Variants in DHRS2 observed in about 807,000 individuals in gnomAD.
DHRS2 encodes the protein dehydrogenase/reductase 2.
In DHRS2, 29 loss-of-function variants were observed where a neutral mutation model predicts 26.3. The ratio of observed to expected loss-of-function variants is 1.10; its 90% CI spans 0.82 to 1.50. DHRS2 has a LOEUF of 1.50. Ranked by LOEUF, DHRS2 falls within the 40% of genes most tolerant of loss-of-function variation. The pLI is 0.00. For missense variants in DHRS2, 439 were observed against 367.1 expected (o/e 1.20, Z -1.60); for synonymous variants, 164 against 151.3 (o/e 1.08, Z -0.62).
At chr14:23,642,141 G>A in intron 4 of DHRS2, 1 of 1,032,086 alleles carries the variant, frequency 9.7e-7, no homozygotes, top group Non-Finnish European at 1.2e-6. Context: ...CTCCCAGCAT[G>A]GCAATTCTCT....
In DHRS2 at chr14:23,638,946, A is replaced by C; in HGVS notation, c.82A>C (p.Ile28Leu). Reference sequence around the variant, plus strand: ...TTCTGTGAGGATGAGCAGCACCGGGATAGACAGGAAGGGCGTCCTGGCTAA... The same window carrying C: ...TTCTGTGAGGATGAGCAGCACCGGGCTAGACAGGAAGGGCGTCCTGGCTAA... ...RLSVRMSSTG[I>L]DRKGVLANRV... The change falls in exon 2 of 9, where the codon ATA (isoleucine) becomes CTA (leucine). Residue 28 changes from isoleucine to leucine, a missense_variant. Ile to Leu is a conservative substitution (Grantham distance 5, BLOSUM62 2). Transcript: ENST00000250383. 6.2e-7 allele frequency: 1 copy of C among 1,614,148 alleles called. No homozygotes were observed. Among genetic ancestry groups the C allele is most frequent in the Non-Finnish European group, 8.5e-7 (1 of 1,180,042 alleles).
Position 23,640,238 on chromosome 14 carries a change from AG to A in DHRS2, c.420+344del, listed in dbSNP as rs1249300479. The A allele has an allele frequency of 2.0e-5, 20 of 999,962 alleles. No homozygotes were observed. In the African/African-American group the frequency reaches 3.5e-4, roughly 17 times the overall value. 61.9% of individuals were successfully genotyped at this position (999,962 alleles called of 1,614,324 possible). The stretch of plus-strand genomic sequence containing the variant: ...AATGGTTAGTCAGAGTCTCTCTGTA[AG>A]AGTCAAACATTTTTGTATGGTACAC... On this transcript the variant is annotated intron_variant, in intron 4 of 8. Coordinates refer to ENST00000250383, the MANE Select transcript of DHRS2 (RefSeq NM_005794.4).
chr14:23,645,303 G>T lies in DHRS2; in HGVS notation c.*50G>T. 1 of 1,612,666 alleles carries T rather than the reference G, an allele frequency of 6.2e-7. No individual in the cohort carries two copies. Reference sequence around the variant, plus strand: ...TGTGGTCCCAGGCCCAGGAGCCTGAGGGGGTGTCTAGGTGATCATTTGGAT... The same window carrying T: ...TGTGGTCCCAGGCCCAGGAGCCTGATGGGGTGTCTAGGTGATCATTTGGAT... On this transcript the variant is annotated 3_prime_UTR_variant, in exon 9 of 9. Transcript: ENST00000250383.
chr14:23,630,600 A>G (rs1890093281), intron 1 of DHRS2, among the ~76,000 whole-genome samples: 1 of 152,214 alleles, frequency 6.6e-6, no homozygotes, highest in African/African-American at 2.4e-5. Flanking sequence ...AAATATTTGA[A>G]GAGATTTATT....
At chr14:23,633,188 C>T (rs911033347), upstream of DHRS2, among the ~76,000 whole-genome samples, 1 of 152,208 alleles carries the variant, frequency 6.6e-6, no homozygotes, top group African/African-American at 2.4e-5. Context: ...CTCTCCCTGC[C>T]TTCACATCTG....
At position 23,639,764 on chromosome 14, in the gene DHRS2, C is replaced by G. The variant is rs768501206; in HGVS notation, c.319-30C>G. 3.8e-6 allele frequency: 6 copies of G among 1,583,478 alleles called. No homozygotes were observed. The Admixed American group carries it at 1.1e-4, about 28-fold the overall frequency. On this transcript the variant is annotated intron_variant, in intron 3 of 8. Coordinates refer to ENST00000250383, the MANE Select transcript of DHRS2 (RefSeq NM_005794.4). ...GGAGGGATAGTCCTCCTCAGGCCAT[C>G]TCCACACTCATCCAATCTCCTCTCC...
intron 4 of DHRS2, 74 bp downstream of exon 4, chr14:23,639,969 C>T: frequency 4.7e-6 from 6 of 1,264,748 alleles, no homozygotes; most frequent in Non-Finnish European, 6.3e-6. Context: ...ATGCCTGTGC[C>T]CACCAAGACT....
chr14:23,639,730 G>A, intron 3 of DHRS2, 64 bp from the exon 4 acceptor site: 1 of 1,492,230 alleles, frequency 6.7e-7, no homozygotes. Context: ...TATGACCTGG[G>A]CTGCCCTGGG....
At chr14:23,637,173 A>G (rs1036197152) in intron 1 of DHRS2, among the ~76,000 whole-genome samples, 5 of 152,200 alleles carry the variant, frequency 3.3e-5, no homozygotes, top group African/African-American at 1.2e-4. Flanking sequence ...AATGCCTGCC[A>G]GACAAACTTT....
intron 3 of DHRS2, 27 bp downstream of exon 3, chr14:23,639,383 CAG>C (rs752461530): frequency 9.7e-6 from 15 of 1,547,568 alleles, no homozygotes; most frequent in African/African-American, 8.2e-5. Flanking sequence ...TGGAAGGACA[CAG>C]AGAGGGGAAC....
chr14:23,643,894 A>T, intron 5 of DHRS2: 1 of 582,810 alleles, frequency 1.7e-6, no homozygotes, highest in Non-Finnish European at 3.1e-6. Flanking sequence ...GAGCATGGAC[A>T]TCGTATTTAT....
intron 3 of DHRS2, 58 bp from the exon 4 acceptor site, chr14:23,639,736 C>A: frequency 6.6e-7 from 1 of 1,516,726 alleles, no homozygotes; most frequent in South Asian, 1.3e-5. Flanking sequence ...CTGGGCTGCC[C>A]TGGGAGGGAT....
intron 4 of DHRS2, 34 bp from the exon 5 acceptor site, chr14:23,643,118 C>T: frequency 6.2e-7 from 1 of 1,610,590 alleles, no homozygotes. Context: ...GACCATGTCT[C>T]TCTGCCCTCA....
At chr14:23,635,016 T>C (rs1594234933), upstream of DHRS2, among the ~76,000 whole-genome samples, 2 of 152,328 alleles carry the variant, frequency 1.3e-5, no homozygotes, top group South Asian at 4.1e-4. Flanking sequence ...GCCTGTGGAA[T>C]TGTGAGTCAA....
At chr14:23,643,825 C>A (rs905494230) in intron 5 of DHRS2, 9 of 468,568 alleles carry the variant, frequency 1.9e-5, no homozygotes, top group South Asian at 1.1e-4. Context: ...CTTCACAAAG[C>A]CCACCCTGCC....
At chr14:23,630,120 G>A (rs1890083312) in exon 1 of DHRS2, 1 of 152,328 alleles carries the variant, frequency 6.6e-6, no homozygotes, top group African/African-American at 2.4e-5. Flanking sequence ...TGTTCAGATA[G>A]AATCTGCAGT....
chr14:23,634,349 G>T (rs1249504887), upstream of DHRS2, among the ~76,000 whole-genome samples: 1 of 152,092 alleles, frequency 6.6e-6, no homozygotes, highest in Non-Finnish European at 1.5e-5. Flanking sequence ...TTACAGGCAT[G>T]AGCCACCGTG....
Position 23,644,104 on chromosome 14 carries a change from G to A in DHRS2, c.489-7G>A. ...CTTCAGCTTCTCTTATGTTTGTCTT[G>A]TCTCAGGAGGGGTGCTGTCATCCTG... On this transcript the variant is annotated splice_region_variant and splice_polypyrimidine_tract_variant and intron_variant, in intron 5 of 8. Coordinates refer to ENST00000250383, the MANE Select transcript of DHRS2 (RefSeq NM_005794.4). 6.2e-7 allele frequency: 1 copy of A among 1,614,094 alleles called. No individual in the cohort carries two copies. The highest frequency in any genetic ancestry group is 8.5e-7 in the Non-Finnish European group (1 of 1,179,974).
At chr14:23,637,742 G>C (rs1460334489) in intron 1 of DHRS2, among the ~76,000 whole-genome samples, 2 of 152,186 alleles carry the variant, frequency 1.3e-5, no homozygotes, top group Non-Finnish European at 1.5e-5. Context: ...TGGGGACTTG[G>C]AGAACTTTTG....
Sources: gnomAD v4.1 joint callset for allele counts (sites outside exome capture counted in the v4.1 genomes callset) on GRCh38, gnomAD v4.1.1 for gene constraint, MANE v1.5 for transcripts, NCBI Gene and HGNC (gene_info 2026-07-23, HGNC 2026-07-21) for gene names.